Variants in ITGBL1 observed in about 807,000 individuals in gnomAD.
ITGBL1 encodes integrin beta-like protein 1.
A neutral mutation model predicts 68.5 loss-of-function variants in ITGBL1; 51 were observed. The ratio of observed to expected loss-of-function variants is 0.74; its 90% CI spans 0.59 to 0.94. The LOEUF is 0.94. Ranked by LOEUF, ITGBL1 falls within the 40% of genes least tolerant of loss-of-function variation. The pLI is 0.00. For missense variants in ITGBL1, 649 were observed against 647.4 expected, an observed-to-expected ratio of 1.00 and a Z score of -0.03; for synonymous variants, 209 against 227.3, an observed-to-expected ratio of 0.92 and a Z score of 0.72.
chr13:101,696,145 T>C (rs2033997573), intron 8 of ITGBL1, among the ~76,000 whole-genome samples: 1 of 152,138 alleles, frequency 6.6e-6, no homozygotes, highest in Non-Finnish European at 1.5e-5. Flanking sequence ...TTCATCCTCA[T>C]GAACTCCTGC....
At chr13:101,618,774 A>G (rs952282866) in intron 7 of ITGBL1, among the ~76,000 whole-genome samples, 1 of 152,170 alleles carries the variant, frequency 6.6e-6, no homozygotes, top group African/African-American at 2.4e-5. Context: ...AGGAACATGG[A>G]TTTTAGCATC....
chr13:101,601,309 A>C (rs1156770853), intron 7 of ITGBL1, among the ~76,000 whole-genome samples: 1 of 151,994 alleles, frequency 6.6e-6, no homozygotes, highest in East Asian at 1.9e-4. Flanking sequence ...TATTGAGTCT[A>C]TTTGATTCTT....
intron 7 of ITGBL1, among the ~76,000 whole-genome samples, chr13:101,607,615 GA>G (rs11435156): frequency 2.1e-4 from 32 of 151,370 alleles, no homozygotes; most frequent in African/African-American, 7.3e-4. Flanking sequence ...AGGTTTAAAT[GA>G]AAAAAAATAA....
chr13:101,505,914 C>A lies in ITGBL1; in HGVS notation c.316+51814C>A, dbSNP rs996977139. Among the ~76,000 whole-genome samples, 3 of 152,188 alleles carry A rather than the reference C, an allele frequency of 2.0e-5. No individual in the cohort carries two copies. In the South Asian group the frequency reaches 6.2e-4, roughly 31 times the overall value. On this transcript the variant is annotated intron_variant, in intron 2 of 10. Coordinates refer to ENST00000376180, the MANE Select transcript of ITGBL1 (RefSeq NM_004791.3). The stretch of plus-strand genomic sequence containing the variant: ...AGAAGCGGAGCTTGCTGGGACTAGG[C>A]CTGCAGGTTTGAAAGTTGCTTCAGC...
At chr13:101,550,440 T>A (rs1566727857) in intron 2 of ITGBL1, among the ~76,000 whole-genome samples, 1 of 152,166 alleles carries the variant, frequency 6.6e-6, no homozygotes, top group Non-Finnish European at 1.5e-5. Context: ...TTGGTTCTCA[T>A]TGTGTTGCCT....
At position 101,564,643 on chromosome 13, in the gene ITGBL1, A is replaced by G. The variant is rs192001386; in HGVS notation, c.317-3056A>G. ...TTGATATATATATATGTTTTTATATATACATATATATGACAATGAACTTGT... is the reference window on the plus strand; with the variant it reads ...TTGATATATATATATGTTTTTATATGTACATATATATGACAATGAACTTGT... On this transcript the variant is annotated intron_variant, in intron 2 of 10. Coordinates refer to ENST00000376180, the MANE Select transcript of ITGBL1 (RefSeq NM_004791.3). Among the ~76,000 whole-genome samples, 6 of 149,690 alleles carry G rather than the reference A, an allele frequency of 4.0e-5. No individual in the cohort carries two copies. In the East Asian group the frequency reaches 1.2e-3, roughly 29 times the overall value.
chr13:101,706,728 T>C, intron 8 of ITGBL1, 28 bp from the exon 9 acceptor site: 3 of 1,606,084 alleles, frequency 1.9e-6, no homozygotes, highest in Non-Finnish European at 2.6e-6. Flanking sequence ...CCTCATCCTC[T>C]CACTCCTTTC....
rs2297701 is a variant in ITGBL1, at chr13:101,454,113, C to A, written c.316+13C>A. 17 of 1,520,298 alleles carry A rather than the reference C, an allele frequency of 1.1e-5. No individual in the cohort carries two copies. The highest frequency in any genetic ancestry group is 1.5e-5 in the Non-Finnish European group (17 of 1,128,790). 94.2% of individuals were successfully genotyped at this position (1,520,298 alleles called of 1,614,324 possible). On this transcript the variant is annotated intron_variant, in intron 2 of 10. Coordinates refer to ENST00000376180, the MANE Select transcript of ITGBL1 (RefSeq NM_004791.3). ...AGCACCTGTGCAGGTAAGAGGGCGG[C>A]GCTGTCTCCTCCCTCGGGAGGTCGA...
intron 2 of ITGBL1, among the ~76,000 whole-genome samples, chr13:101,512,520 A>C (rs537245942): frequency 6.6e-6 from 1 of 152,166 alleles, no homozygotes; most frequent in African/African-American, 2.4e-5. Flanking sequence ...TTGAGTGGAC[A>C]TGAAGCTTTT....
At chr13:101,513,959 A>G (rs2049155713) in intron 2 of ITGBL1, among the ~76,000 whole-genome samples, 1 of 152,074 alleles carries the variant, frequency 6.6e-6, no homozygotes, top group Non-Finnish European at 1.5e-5. Context: ...AAATATTTAT[A>G]TAGTGTTTGT....
At chr13:101,567,872 T>C in intron 3 of ITGBL1, 27 bp downstream of exon 3, 3 of 1,586,292 alleles carry the variant, frequency 1.9e-6, no homozygotes, top group Non-Finnish European at 2.6e-6. Context: ...GTGAAAATTG[T>C]TAAGTGGAAT....
chr13:101,686,696 G>A (rs1237463467), intron 7 of ITGBL1, among the ~76,000 whole-genome samples: 1 of 151,702 alleles, frequency 6.6e-6, no homozygotes, highest in Non-Finnish European at 1.5e-5. Flanking sequence ...ATTTTTGGAG[G>A]CAGTTCATTA....
intron 2 of ITGBL1, among the ~76,000 whole-genome samples, chr13:101,535,969 G>A (rs1454872536): frequency 1.3e-5 from 2 of 151,940 alleles, no homozygotes; most frequent in Admixed American, 1.3e-4. Context: ...TTTAGCTTTT[G>A]AAATAGATTT....
At chr13:101,583,455 T>G in intron 6 of ITGBL1, 99 bp downstream of exon 6, 1 of 943,952 alleles carries the variant, frequency 1.1e-6, no homozygotes, top group Non-Finnish European at 1.5e-6. Flanking sequence ...AAATAAGACA[T>G]ACTGTTGGAT....
chr13:101,653,825 A>G (rs950479628), intron 7 of ITGBL1, among the ~76,000 whole-genome samples: 1 of 148,890 alleles, frequency 6.7e-6, no homozygotes, highest in Non-Finnish European at 1.5e-5. Context: ...AGTAGCTGGG[A>G]CTACAGGTGC....
At chr13:101,501,614 A>T (rs1014697423) in intron 2 of ITGBL1, among the ~76,000 whole-genome samples, 2 of 152,202 alleles carry the variant, frequency 1.3e-5, no homozygotes, top group Non-Finnish European at 2.9e-5. Flanking sequence ...AGTGTTCCAG[A>T]GAATTGTAAT....
At chr13:101,544,807 T>C (rs1014639617) in intron 2 of ITGBL1, among the ~76,000 whole-genome samples, 3 of 152,150 alleles carry the variant, frequency 2.0e-5, no homozygotes, top group Admixed American at 2.0e-4. Flanking sequence ...CTCAGACTGC[T>C]GTGCTAGCAA....
intron 6 of ITGBL1, among the ~76,000 whole-genome samples, chr13:101,589,685 C>T (rs1160371256): frequency 6.6e-6 from 1 of 152,170 alleles, no homozygotes; most frequent in East Asian, 1.9e-4. Context: ...TTAAATTCAT[C>T]CCAATGTGCA....
intron 2 of ITGBL1, among the ~76,000 whole-genome samples, chr13:101,520,343 A>G (rs141122406): frequency 6.6e-6 from 1 of 152,308 alleles, no homozygotes; most frequent in African/African-American, 2.4e-5. Flanking sequence ...TTAACCAATT[A>G]TTAGCAGTGC....
Sources: gnomAD v4.1 joint callset for allele counts (sites outside exome capture counted in the v4.1 genomes callset) on GRCh38, gnomAD v4.1.1 for gene constraint, MANE v1.5 for transcripts, NCBI Gene and HGNC (gene_info 2026-07-23, HGNC 2026-07-21) for gene names.